Variants in PCDHA2 observed in about 807,000 individuals in gnomAD.
PCDHA2 encodes protocadherin alpha-2.
A neutral mutation model predicts 66.0 loss-of-function variants in PCDHA2; 58 were observed. That is an observed-to-expected ratio of 0.88 (90% CI 0.71 to 1.09). PCDHA2 has a LOEUF of 1.09. PCDHA2 is among the 50% of genes least tolerant of loss of function. PCDHA2 has a pLI of 0.00. For missense variants in PCDHA2, 1,267 were observed against 1,242.3 expected (o/e 1.02, Z -0.30); for synonymous variants, 634 against 554.0 (o/e 1.14, Z -2.03).
intron 2 of PCDHA2, chr5:140,982,255 G>A (rs1226877967): frequency 1.6e-5 from 13 of 791,614 alleles, no homozygotes; most frequent in South Asian, 1.3e-4. Context: ...GATAGAACAT[G>A]TGTGTTCCTG....
At chr5:140,862,902 G>C (rs782710771) in intron 1 of PCDHA2, 1 of 554,284 alleles carries the variant, frequency 1.8e-6, no homozygotes, top group Non-Finnish European at 3.5e-6. Context: ...CTTTGTCTGC[G>C]CTGCTGGCGC....
chr5:140,932,608 T>C (rs573580763), intron 1 of PCDHA2, among the ~76,000 whole-genome samples: 1 of 151,996 alleles, frequency 6.6e-6, no homozygotes, highest in African/African-American at 2.4e-5. Flanking sequence ...TATTTTGACT[T>C]TGAAGCTGAT....
intron 1 of PCDHA2, among the ~76,000 whole-genome samples, chr5:140,846,126 G>T (rs2150384899): frequency 6.7e-6 from 1 of 149,636 alleles, no homozygotes; most frequent in East Asian, 1.9e-4. Flanking sequence ...TTTGATAGTT[G>T]TATGTTTCCC....
chr5:141,002,555 A>C (rs1349538713), intron 3 of PCDHA2, among the ~76,000 whole-genome samples: 1 of 152,222 alleles, frequency 6.6e-6, no homozygotes, highest in Admixed American at 6.5e-5. Context: ...CCCAGGATCC[A>C]CCAGTTAGTG....
intron 1 of PCDHA2, among the ~76,000 whole-genome samples, chr5:140,872,937 A>C (rs2053993403): frequency 6.6e-6 from 1 of 152,034 alleles, no homozygotes; most frequent in South Asian, 2.1e-4. Flanking sequence ...TGTTTTTGAA[A>C]TTTTCTTTCC....
chr5:140,840,690 A>G (rs2150308704), intron 1 of PCDHA2, among the ~76,000 whole-genome samples: 1 of 152,210 alleles, frequency 6.6e-6, no homozygotes, highest in South Asian at 2.1e-4. Context: ...AGTAAATAAA[A>G]CGGTTCAGGC....
At chr5:140,884,194 G>C in intron 1 of PCDHA2, 1 of 1,613,402 alleles carries the variant, frequency 6.2e-7, no homozygotes, top group Non-Finnish European at 8.5e-7. Flanking sequence ...AGGTGGACGC[G>C]CCGCACCACC....
intron 1 of PCDHA2, chr5:140,871,301 CGGG>C: frequency 6.2e-7 from 1 of 1,613,916 alleles, no homozygotes; most frequent in East Asian, 2.2e-5. Context: ...GCGTGCGCGC[CGGG>C]GAAGCCCACG....
chr5:140,982,538 G>C lies in PCDHA2; in HGVS notation c.2511G>C (p.Trp837Cys), dbSNP rs782094765. The change falls in exon 3 of 4, where the codon TGG becomes TGC. Residue 837 changes from tryptophan to cysteine, a missense_variant. Coordinates refer to ENST00000526136, the MANE Select transcript of PCDHA2 (RefSeq NM_018905.3). ...GTCCAGGAGGGCCTGATCAGCAGTG[G>C]CCAACAGTATCCAGTGCAACACCAG... ...RAGPGGPDQQ[W>C]PTVSSATPEP... 1 of 1,614,166 alleles carries C rather than the reference G, an allele frequency of 6.2e-7. No individual in the cohort carries two copies.
chr5:140,811,798 CT>C (rs1764962036), intron 1 of PCDHA2: 1 of 152,164 alleles, frequency 6.6e-6, no homozygotes, highest in African/African-American at 2.4e-5. Flanking sequence ...TAAATGTCTT[CT>C]TTTGAGAAGT....
In PCDHA2 at chr5:140,846,979, A is replaced by G. The variant is rs2150396342; in HGVS notation, c.2388+49627A>G. On this transcript the variant is annotated intron_variant, in intron 1 of 3. Transcript: ENST00000526136. ...GTGTTTCAGTGGTTTTAAAATAAGT[A>G]AGTTCCCCCCGGGAGAATATTGAGA... Among the ~76,000 whole-genome samples, 3 of 149,618 alleles carry G rather than the reference A, an allele frequency of 2.0e-5. 1 individual carries two copies. The highest frequency in any genetic ancestry group is 3.0e-5 in the Non-Finnish European group (2 of 66,912).
At chr5:140,920,135 C>T (rs1206026315) in intron 1 of PCDHA2, among the ~76,000 whole-genome samples, 2 of 152,164 alleles carry the variant, frequency 1.3e-5, no homozygotes, top group Non-Finnish European at 2.9e-5. Flanking sequence ...TTTTAATTCT[C>T]CTCTCCAAAC....
At chr5:140,801,341 C>T (rs782016888) in intron 1 of PCDHA2, 8 of 1,613,182 alleles carry the variant, frequency 5.0e-6, no homozygotes, top group East Asian at 2.2e-5. Flanking sequence ...TGGGCCGCAT[C>T]GCGCAGGACC....
At chr5:140,926,281 T>A (rs2083071196) in intron 1 of PCDHA2, 1 of 152,306 alleles carries the variant, frequency 6.6e-6, no homozygotes, top group African/African-American at 2.4e-5. Context: ...GCTCGGCAGC[T>A]CCACGCTGAG....
Position 140,850,710 on chromosome 5 carries a change from C to T in PCDHA2, c.2388+53358C>T, listed in dbSNP as rs149535933. The T allele has an allele frequency of 3.1e-6, 5 of 1,597,920 alleles. No homozygotes were observed. The African/African-American group carries it at 6.7e-5, about 22-fold the overall frequency. On this transcript the variant is annotated intron_variant, in intron 1 of 3. Coordinates refer to ENST00000526136, the MANE Select transcript of PCDHA2 (RefSeq NM_018905.3). ...CGAGTGCGCGCCTGGCAAGCCGACG[C>T]TGGTGTGTTCTAGCGCGGTGGGGAG... is the stretch of plus-strand genomic sequence containing the variant.
At chr5:140,875,997 T>A (rs1441666431) in intron 1 of PCDHA2, 1 of 1,613,924 alleles carries the variant, frequency 6.2e-7, no homozygotes, top group East Asian at 2.2e-5. Flanking sequence ...TAAGTCTAAA[T>A]GAGAATTTTG....
chr5:140,870,764 T>A, intron 1 of PCDHA2: 1 of 1,613,600 alleles, frequency 6.2e-7, no homozygotes, highest in Non-Finnish European at 8.5e-7. Flanking sequence ...CAGGTGTTCG[T>A]GCTGGACGAG....
chr5:140,840,895 A>C (rs1776928646), intron 1 of PCDHA2, among the ~76,000 whole-genome samples: 1 of 152,026 alleles, frequency 6.6e-6, no homozygotes, highest in South Asian at 2.1e-4. Context: ...TATCCATGAC[A>C]TACAGGTCAT....
chr5:140,856,816 C>T (rs2044218457), intron 1 of PCDHA2: 2 of 1,593,576 alleles, frequency 1.3e-6, no homozygotes, highest in Admixed American at 1.7e-5. Flanking sequence ...ATCAAGTGAA[C>T]CAAACATTAG....
Sources: gnomAD v4.1 joint callset for allele counts (sites outside exome capture counted in the v4.1 genomes callset) on GRCh38, gnomAD v4.1.1 for gene constraint, MANE v1.5 for transcripts, NCBI Gene and HGNC (gene_info 2026-07-23, HGNC 2026-07-21) for gene names.